The following SPACA1 variants were observed in gnomAD, a reference collection of about 807,000 sequenced individuals.
The protein encoded by SPACA1 is sperm acrosome associated 1.
Under a neutral mutation model 32.6 loss-of-function variants are expected in SPACA1, and 17 were observed. The observed-to-expected ratio is 0.52, with a 90% CI of 0.36 to 0.78. The LOEUF (loss-of-function observed/expected upper bound fraction) is 0.78. Ranked by LOEUF, SPACA1 falls within the 30% of genes least tolerant of loss-of-function variation. The pLI is 0.01. For missense variants in SPACA1, 363 were observed against 373.4 expected, an observed-to-expected ratio of 0.97 and a Z score of 0.23; for synonymous variants, 140 against 138.1, an observed-to-expected ratio of 1.01 and a Z score of -0.10.
chr6:88,047,683 C>G (rs927273837), upstream of SPACA1: 1 of 520,650 alleles, frequency 1.9e-6, no homozygotes, highest in Non-Finnish European at 3.4e-6. Flanking sequence ...TCGCACGCGG[C>G]TTCTCGTCGC....
At chr6:88,065,348 CATA>C (rs1246987405) in intron 6 of SPACA1, among the ~76,000 whole-genome samples, 3 of 147,336 alleles carry the variant, frequency 2.0e-5, no homozygotes, top group Admixed American at 6.8e-5. Context: ...ATAATACATA[CATA>C]ATATTATATA....
At position 88,066,788 on chromosome 6, in the gene SPACA1, A is replaced by G. The variant is rs957174363; in HGVS notation, c.*453A>G. The G allele has an allele frequency of 2.0e-5, 3 of 152,560 alleles. No homozygotes were observed. The highest frequency in any genetic ancestry group is 7.2e-5 in the African/African-American group (3 of 41,474). 9.5% of individuals were successfully genotyped at this position (152,560 alleles called of 1,614,324 possible). ...ATGTGACATACAAAGTTTGTAAGAC[A>G]TGAAGTAATAACGATAATGATAACA... On this transcript the variant is annotated 3_prime_UTR_variant, in exon 7 of 7. Coordinates refer to ENST00000237201, the MANE Select transcript of SPACA1 (RefSeq NM_030960.3).
At chr6:88,057,583 C>T (rs1332619077) in intron 2 of SPACA1, 29 bp from the exon 3 acceptor site, 2 of 1,527,514 alleles carry the variant, frequency 1.3e-6, no homozygotes, top group African/African-American at 1.4e-5. Flanking sequence ...TTTTTCTTAA[C>T]ATTTGCCTTT....
In SPACA1 at chr6:88,053,804, A is replaced by T. The variant is rs1775765033; in HGVS notation, c.209-142A>T. 4.8e-6 allele frequency: 3 copies of T among 618,952 alleles called. No individual in the cohort carries two copies. In the South Asian group the frequency reaches 7.2e-5, roughly 15 times the overall value. The allele number at this position is 618,952 out of a possible 1,614,324, so 38.3% of individuals were successfully genotyped here. A position where few individuals can be genotyped will look rare whatever the true frequency, so the allele number is the denominator to read the frequency against. ...AGACAATAACAGTACTCAGAATGGCATTGTTTTCTGATTTAAATGGAAAAC... is the reference window on the plus strand; with the variant it reads ...AGACAATAACAGTACTCAGAATGGCTTTGTTTTCTGATTTAAATGGAAAAC... On this transcript the variant is annotated intron_variant, in intron 1 of 6. Transcript: ENST00000237201.
rs191707715 is a variant in SPACA1 at position 88,064,272 on chromosome 6, C to G, written c.731+53C>G. The G allele has an allele frequency of 1.9e-4, 299 of 1,554,240 alleles. No homozygotes were observed. The African/African-American group carries it at 3.2e-3, about 16-fold the overall frequency. On this transcript the variant is annotated intron_variant, in intron 6 of 6. Coordinates refer to ENST00000237201, the MANE Select transcript of SPACA1 (RefSeq NM_030960.3). ...CCCTTGATTGACATCCTCTTCTTCCCCCTCCTCATCCAGTGAATTGCAAAG... is the reference window on the plus strand; with the variant it reads ...CCCTTGATTGACATCCTCTTCTTCCGCCTCCTCATCCAGTGAATTGCAAAG...
chr6:88,058,898 G>A (rs2758920), intron 4 of SPACA1, 76 bp downstream of exon 4: 1 of 946,380 alleles, frequency 1.1e-6, no homozygotes. Context: ...ATGGCTTTCA[G>A]AAAACTTTCT....
intron 5 of SPACA1, 101 bp downstream of exon 5, chr6:88,059,689 C>A (rs1020119532): frequency 1.0e-5 from 12 of 1,191,462 alleles, no homozygotes; most frequent in Middle Eastern, 2.3e-4. Flanking sequence ...AGCCCTCCCC[C>A]CAGAGTTTCT....
At chr6:88,053,699 A>G (rs1775763365) in intron 1 of SPACA1, among the ~76,000 whole-genome samples, 2 of 152,338 alleles carry the variant, frequency 1.3e-5, no homozygotes, top group Admixed American at 1.3e-4. Flanking sequence ...AGGTATATAC[A>G]AAGTTTAAAT....
At chr6:88,050,175 A>T (rs1309756373) in intron 1 of SPACA1, among the ~76,000 whole-genome samples, 1 of 152,236 alleles carries the variant, frequency 6.6e-6, no homozygotes, top group African/African-American at 2.4e-5. Flanking sequence ...CGTTATAAAA[A>T]GGGAAAGAAT....
intron 6 of SPACA1, among the ~76,000 whole-genome samples, chr6:88,065,531 C>T (rs1775970418): frequency 6.7e-6 from 1 of 148,780 alleles, no homozygotes; most frequent in African/African-American, 2.5e-5. Flanking sequence ...CCTTTTTATT[C>T]ATTATTCATT....
chr6:88,055,112 T>A (rs1775787556), intron 2 of SPACA1, among the ~76,000 whole-genome samples: 1 of 152,156 alleles, frequency 6.6e-6, no homozygotes, highest in Non-Finnish European at 1.5e-5. Flanking sequence ...GTAGTAAGCC[T>A]GCAATTACTT....
intron 5 of SPACA1, among the ~76,000 whole-genome samples, chr6:88,061,445 C>G (rs1243502096): frequency 1.3e-5 from 2 of 151,968 alleles, no homozygotes; most frequent in Non-Finnish European, 2.9e-5. Context: ...CACACACACA[C>G]ACACACACAC....
chr6:88,060,592 G>C (rs1449604647), intron 5 of SPACA1, among the ~76,000 whole-genome samples: 5 of 152,162 alleles, frequency 3.3e-5, no homozygotes, highest in African/African-American at 1.2e-4. Flanking sequence ...TGTTTAATGA[G>C]TTTAGAAACA....
intron 2 of SPACA1, 68 bp downstream of exon 2, chr6:88,054,070 A>G (rs1442208951): frequency 7.1e-7 from 1 of 1,406,572 alleles, no homozygotes; most frequent in Non-Finnish European, 1.0e-6. Context: ...AAAAGCAGAT[A>G]GTGTGCAACT....
chr6:88,057,291 G>A (rs1172022085), intron 2 of SPACA1, among the ~76,000 whole-genome samples: 1 of 152,162 alleles, frequency 6.6e-6, no homozygotes, highest in Non-Finnish European at 1.5e-5. Context: ...TGTATTAAAA[G>A]TTCCCTCAAA....
chr6:88,047,637 T>C (rs536122523), upstream of SPACA1, among the ~76,000 whole-genome samples: 62 of 152,262 alleles, frequency 4.1e-4, no homozygotes, highest in Non-Finnish European at 3.5e-4. Flanking sequence ...GAACTTCCGG[T>C]TGCGGGGAAG....
chr6:88,061,045 A>G (rs1775889671), intron 5 of SPACA1, among the ~76,000 whole-genome samples: 1 of 152,216 alleles, frequency 6.6e-6, no homozygotes, highest in South Asian at 2.1e-4. Flanking sequence ...TTCTTTAAAC[A>G]TGACAATTGG....
At chr6:88,050,856 T>C (rs986035490) in intron 1 of SPACA1, among the ~76,000 whole-genome samples, 1 of 152,234 alleles carries the variant, frequency 6.6e-6, no homozygotes, top group Non-Finnish European at 1.5e-5. Context: ...ATCATTAAGA[T>C]ATTAGATTTA....
intron 5 of SPACA1, 75 bp from the exon 6 acceptor site, chr6:88,064,024 T>C (rs1775937116): frequency 1.3e-6 from 2 of 1,504,128 alleles, no homozygotes; most frequent in Non-Finnish European, 1.8e-6. Flanking sequence ...GTTTTTCAAA[T>C]ATAAACTTTT....
Sources: gnomAD v4.1 joint callset for allele counts (sites outside exome capture counted in the v4.1 genomes callset) on GRCh38, gnomAD v4.1.1 for gene constraint, MANE v1.5 for transcripts, NCBI Gene and HGNC (gene_info 2026-07-23, HGNC 2026-07-21) for gene names.